The following APBA2 variants were observed in gnomAD, a reference collection of about 807,000 sequenced individuals.
APBA2 encodes amyloid-beta A4 precursor protein-binding family A member 2.
APBA2 carries 30 observed loss-of-function variants against 75.0 expected under a neutral mutation model. The observed-to-expected ratio is 0.40, with a 90% CI of 0.30 to 0.54. The LOEUF (loss-of-function observed/expected upper bound fraction) is 0.54, where lower values mean the gene tolerates loss of function less well. APBA2 is among the 20% of genes least tolerant of loss of function. The pLI, the probability that APBA2 is intolerant of heterozygous loss-of-function variation, is 0.49. For missense variants in APBA2, 801 were observed against 1,016.1 expected, an observed-to-expected ratio of 0.79 and a Z score of 2.88; for synonymous variants, 444 against 409.6, an observed-to-expected ratio of 1.08 and a Z score of -1.01.
At chr15:28,999,869 G>A (rs1315799741) in intron 3 of APBA2, among the ~76,000 whole-genome samples, 2 of 152,204 alleles carry the variant, frequency 1.3e-5, no homozygotes, top group African/African-American at 4.8e-5. Context: ...AGGGAAGCCA[G>A]TATTGTAGTG....
At chr15:28,910,028 G>A (rs2033356085) in intron 1 of APBA2, among the ~76,000 whole-genome samples, 1 of 152,134 alleles carries the variant, frequency 6.6e-6, no homozygotes. Flanking sequence ...TCCGAAGTTG[G>A]TATACCCAGA....
chr15:29,062,618 G>A (rs1004238581), intron 4 of APBA2, among the ~76,000 whole-genome samples: 13 of 152,164 alleles, frequency 8.5e-5, no homozygotes, highest in African/African-American at 1.7e-4. Flanking sequence ...GGATTGCTTC[G>A]GGTACTTTTA....
At chr15:29,024,476 A>T (rs1258337252) in intron 3 of APBA2, among the ~76,000 whole-genome samples, 2 of 152,022 alleles carry the variant, frequency 1.3e-5, no homozygotes, top group Non-Finnish European at 2.9e-5. Flanking sequence ...TCCTTCTCTA[A>T]CTGGAATGCA....
At chr15:28,972,936 T>A (rs148524462) in intron 2 of APBA2, among the ~76,000 whole-genome samples, 1 of 152,268 alleles carries the variant, frequency 6.6e-6, no homozygotes, top group African/African-American at 2.4e-5. Flanking sequence ...TGCATTTTAA[T>A]GCTATGTGTA....
intron 3 of APBA2, among the ~76,000 whole-genome samples, chr15:29,017,728 A>G (rs4779679): frequency 0.36 from 55,274 of 152,062 alleles, 16,328 homozygotes; most frequent in African/African-American, 0.79. Context: ...TTAAATACCC[A>G]TATTGAAATG....
chr15:29,106,455 C>T, intron 11 of APBA2, 152 bp from the exon 12 acceptor site: 1 of 887,002 alleles, frequency 1.1e-6, no homozygotes, highest in Non-Finnish European at 1.8e-6. Flanking sequence ...GGCTCCCAGC[C>T]CAAGACCTCT....
intron 2 of APBA2, among the ~76,000 whole-genome samples, chr15:28,939,508 C>T (rs1290985159): frequency 6.6e-6 from 1 of 152,248 alleles, no homozygotes; most frequent in African/African-American, 2.4e-5. Flanking sequence ...TCTCCACATC[C>T]TCACCAGCAC....
At chr15:29,097,924 G>A (rs542944781) in intron 8 of APBA2, among the ~76,000 whole-genome samples, 1 of 152,310 alleles carries the variant, frequency 6.6e-6, no homozygotes, top group East Asian at 1.9e-4. Flanking sequence ...TTCTGTGCCT[G>A]GCTGATTTCA....
At chr15:29,114,985 G>A (rs531762683) in intron 14 of APBA2, among the ~76,000 whole-genome samples, 1 of 151,612 alleles carries the variant, frequency 6.6e-6, no homozygotes, top group East Asian at 2.0e-4. Context: ...TGGGGTGTGA[G>A]GAGAGTGTGA....
At chr15:29,069,163 A>T (rs2042508945) in intron 4 of APBA2, among the ~76,000 whole-genome samples, 1 of 152,242 alleles carries the variant, frequency 6.6e-6, no homozygotes, top group African/African-American at 2.4e-5. Context: ...TTCAGGGTTC[A>T]TCCCTGTTGT....
intron 2 of APBA2, among the ~76,000 whole-genome samples, chr15:28,953,802 G>A (rs1003554617): frequency 7.2e-5 from 11 of 152,110 alleles, no homozygotes; most frequent in African/African-American, 1.4e-4. Context: ...GTGTCAGAGT[G>A]TCCCTGCGGT....
chr15:29,045,073 C>CTCTCTCTCTCTCTCTCTT (rs1479576930), intron 3 of APBA2, among the ~76,000 whole-genome samples: 3,321 of 107,998 alleles, frequency 0.031, 194 homozygotes, highest in East Asian at 0.2. Context: ...CCCTCCTTCT[C>CTCTCTCTCTCTCTCTCTT]TCTCTCTCTC....
chr15:29,028,769 C>A (rs1020987084), intron 3 of APBA2, among the ~76,000 whole-genome samples: 1 of 152,108 alleles, frequency 6.6e-6, no homozygotes, highest in Non-Finnish European at 1.5e-5. Flanking sequence ...TGATGTTGAG[C>A]TTTTTTTCAT....
At chr15:28,996,251 G>T (rs2152793823) in intron 3 of APBA2, among the ~76,000 whole-genome samples, 1 of 152,334 alleles carries the variant, frequency 6.6e-6, no homozygotes, top group South Asian at 2.1e-4. Context: ...ACTCTCCAGT[G>T]TGGGCAGTGG....
At chr15:29,001,456 C>T (rs1362319781) in intron 3 of APBA2, among the ~76,000 whole-genome samples, 2 of 152,316 alleles carry the variant, frequency 1.3e-5, no homozygotes, top group East Asian at 1.9e-4. Flanking sequence ...AGTGGTCCTC[C>T]CACGTGGGCC....
At chr15:28,969,126 CTTTTTCTTTCTTTCTTTCTTTCTT>C (rs1251022583) in intron 2 of APBA2, among the ~76,000 whole-genome samples, 1 of 106,216 alleles carries the variant, frequency 9.4e-6, no homozygotes, top group East Asian at 2.5e-4. Context: ...CCTTTCATTT[CTTTTTCTTTCTTTCTTTCTTTCTT>C]TCTTTCTTTC....
intron 3 of APBA2, among the ~76,000 whole-genome samples, chr15:29,021,872 T>C (rs1195028160): frequency 6.6e-6 from 1 of 152,150 alleles, no homozygotes; most frequent in African/African-American, 2.4e-5. Flanking sequence ...TTTAAGATTC[T>C]GAATATAAGT....
chr15:28,981,334 A>G (rs957515714), intron 2 of APBA2, among the ~76,000 whole-genome samples: 1 of 152,242 alleles, frequency 6.6e-6, no homozygotes, highest in Non-Finnish European at 1.5e-5. Context: ...CCTCGTTAAA[A>G]ATTGGGCAAA....
chr15:28,991,977 G>GT lies in APBA2; in HGVS notation c.-94-3776_-94-3775insT, dbSNP rs1399559889. ...AGCCATAGCTCTGGGGCCAGCTAGA[G>GT]GAAGGAGTGTGATTGTGCCTTCCCG... On this transcript the variant is annotated intron_variant, in intron 2 of 14. Coordinates refer to ENST00000683413, the MANE Select transcript of APBA2 (RefSeq NM_001353788.2). The surrounding 1 kb of genome is among the most constrained non-coding windows in gnomAD (Gnocchi z 4.7). Among the ~76,000 whole-genome samples, 1 of 152,204 alleles carries GT rather than the reference G, an allele frequency of 6.6e-6. No individual in the cohort carries two copies. The highest frequency in any genetic ancestry group is 1.5e-5 in the Non-Finnish European group (1 of 68,040).
Sources: allele counts gnomAD v4.1 joint callset (sites outside exome capture counted in the v4.1 genomes callset), GRCh38; gene constraint gnomAD v4.1.1; non-coding constraint Gnocchi (gnomAD v3.1); transcripts MANE v1.5; gene names NCBI Gene and HGNC (gene_info 2026-07-23, HGNC 2026-07-21).